IQCM: variants seen among roughly 807,000 people sequenced by gnomAD.
IQCM encodes the protein IQ motif containing M, also known as IQ domain-containing protein M.
In IQCM, 45 loss-of-function variants were observed where a neutral mutation model predicts 57.6. The ratio of observed to expected loss-of-function variants is 0.78; its 90% CI spans 0.62 to 1.00. The LOEUF is 1.00. Ranked by LOEUF, IQCM falls within the 50% of genes least tolerant of loss-of-function variation. The probability of loss-of-function intolerance (pLI) is 0.00; values close to 1 mark genes in which losing one functional copy is unlikely to be tolerated. For missense variants in IQCM, 468 were observed against 511.6 expected (o/e 0.91, Z 0.82); for synonymous variants, 148 against 158.9 (o/e 0.93, Z 0.51).
intron 13 of IQCM, among the ~76,000 whole-genome samples, chr4:149,376,468 T>C (rs911272530): frequency 6.6e-6 from 1 of 152,212 alleles, no homozygotes; most frequent in African/African-American, 2.4e-5. Context: ...AGCATTCAAT[T>C]AGTTTTTTTT....
At chr4:149,357,259 CTG>C (rs1336067509) in intron 13 of IQCM, among the ~76,000 whole-genome samples, 1 of 152,182 alleles carries the variant, frequency 6.6e-6, no homozygotes, top group East Asian at 1.9e-4. Flanking sequence ...CCTGACTGCT[CTG>C]GCCAGAACTT....
rs555242109 is a variant in IQCM, at chr4:149,648,352, A to G, written c.566-27108T>C. ...AGAATGATGGTTTCCAGCTTCATCC[A>G]TGTCCCTACAAAGGACATGAACTCA... On this transcript the variant is annotated intron_variant, in intron 7 of 13. Coordinates refer to ENST00000636793, the MANE Select transcript of IQCM (RefSeq NM_001363507.2). 1.4e-4 allele frequency among the ~76,000 whole-genome samples: 21 copies of G among 152,310 alleles called. No homozygotes were observed. In the East Asian group the frequency reaches 4.1e-3, roughly 29 times the overall value.
intron 12 of IQCM, among the ~76,000 whole-genome samples, chr4:149,492,409 G>A (rs116788601): frequency 1.2e-3 from 178 of 151,480 alleles, no homozygotes; most frequent in African/African-American, 4.0e-3. Flanking sequence ...TAAGAAACAC[G>A]TCTAACTGAC....
chr4:149,658,090 A>G lies in IQCM; in HGVS notation c.565+24028T>C, dbSNP rs564536556. Among the ~76,000 whole-genome samples the G allele has an allele frequency of 1.4e-4, 22 of 152,154 alleles. 1 individual carries two copies. Among genetic ancestry groups the G allele is most frequent in the African/African-American group, 4.8e-4 (20 of 41,540 alleles). The stretch of plus-strand genomic sequence containing the variant: ...TTGAGTCTCATCCTTGCCCAGCTCA[A>G]TGCTGTGAAGCATTTTCCTTATGTT... On this transcript the variant is annotated intron_variant, in intron 7 of 13. Coordinates refer to ENST00000636793, the MANE Select transcript of IQCM (RefSeq NM_001363507.2).
chr4:149,416,303 C>A (rs1007980351), intron 13 of IQCM, among the ~76,000 whole-genome samples: 2 of 151,970 alleles, frequency 1.3e-5, no homozygotes, highest in African/African-American at 4.8e-5. Context: ...ATAATATATT[C>A]CTGAGAAAAT....
intron 13 of IQCM, among the ~76,000 whole-genome samples, chr4:149,382,659 C>G (rs1731157978): frequency 6.6e-6 from 1 of 151,932 alleles, no homozygotes; most frequent in Non-Finnish European, 1.5e-5. Flanking sequence ...GCAATCTTCT[C>G]AGATAAAAAC....
At chr4:149,428,850 G>A (rs1020678169) in intron 13 of IQCM, among the ~76,000 whole-genome samples, 5 of 151,544 alleles carry the variant, frequency 3.3e-5, no homozygotes, top group African/African-American at 1.2e-4. Flanking sequence ...TGTATTCTAA[G>A]GGCAAGTAAA....
intron 7 of IQCM, among the ~76,000 whole-genome samples, chr4:149,663,197 C>T (rs540345285): frequency 1.3e-5 from 2 of 151,990 alleles, no homozygotes; most frequent in East Asian, 1.9e-4. Flanking sequence ...TCCCTCCATC[C>T]TACAATTTAT....
intron 13 of IQCM, among the ~76,000 whole-genome samples, chr4:149,393,699 T>C (rs767333385): frequency 3.3e-5 from 5 of 151,902 alleles, no homozygotes; most frequent in Non-Finnish European, 5.9e-5. Context: ...ATTAATATTA[T>C]TAACCAAGAG....
chr4:149,603,589 C>A (rs1165769820), intron 8 of IQCM, among the ~76,000 whole-genome samples: 1 of 151,976 alleles, frequency 6.6e-6, no homozygotes, highest in Non-Finnish European at 1.5e-5. Flanking sequence ...ATGCAACATG[C>A]CTTGCCTGTG....
intron 2 of IQCM, among the ~76,000 whole-genome samples, chr4:149,753,024 G>A (rs1179685677): frequency 6.6e-6 from 1 of 152,166 alleles, no homozygotes; most frequent in Non-Finnish European, 1.5e-5. Context: ...TTCTGGACTG[G>A]GAACTTAGGG....
chr4:149,779,648 G>GA (rs1771418888), intron 2 of IQCM, among the ~76,000 whole-genome samples: 1 of 152,090 alleles, frequency 6.6e-6, no homozygotes, highest in Non-Finnish European at 1.5e-5. Flanking sequence ...AGTCAAAACT[G>GA]AAAAATAAAT....
chr4:149,709,844 T>A (rs1764430811), intron 5 of IQCM, among the ~76,000 whole-genome samples: 1 of 152,070 alleles, frequency 6.6e-6, no homozygotes, highest in African/African-American at 2.4e-5. Flanking sequence ...CTGCAAGGAG[T>A]GCAAACATTT....
chr4:149,470,250 A>G (rs1413016661), intron 12 of IQCM, among the ~76,000 whole-genome samples: 2 of 152,066 alleles, frequency 1.3e-5, no homozygotes, highest in African/African-American at 4.8e-5. Context: ...AGAGACACAC[A>G]TAGGCTCAAA....
intron 13 of IQCM, among the ~76,000 whole-genome samples, chr4:149,374,721 A>T (rs1319302289): frequency 5.9e-5 from 9 of 152,110 alleles, no homozygotes; most frequent in Admixed American, 5.9e-4. Context: ...ACTGGGAAAC[A>T]TGTCCTGAGA....
At chr4:149,733,604 C>A in intron 4 of IQCM, 96 bp from the exon 5 acceptor site, 1 of 558,912 alleles carries the variant, frequency 1.8e-6, no homozygotes, top group Non-Finnish European at 2.7e-6. Flanking sequence ...CATGAAATTG[C>A]ACCTCTAGTA....
At chr4:149,537,606 G>C (rs986237799) in intron 12 of IQCM, among the ~76,000 whole-genome samples, 6 of 151,812 alleles carry the variant, frequency 4.0e-5, no homozygotes, top group Non-Finnish European at 1.5e-5. Context: ...AGTCCAAGAA[G>C]TTCAATGAAC....
chr4:149,533,447 C>T (rs1746952220), intron 12 of IQCM, among the ~76,000 whole-genome samples: 2 of 151,700 alleles, frequency 1.3e-5, no homozygotes. Context: ...TTTTAAAAGG[C>T]CTTTAAAAAA....
At chr4:149,442,452 C>T (rs562944136) in intron 12 of IQCM, among the ~76,000 whole-genome samples, 12 of 151,988 alleles carry the variant, frequency 7.9e-5, no homozygotes, top group Non-Finnish European at 1.8e-4. Flanking sequence ...AAACAGGCTG[C>T]ACATTCAATT....
Sources: allele counts gnomAD v4.1 joint callset (sites outside exome capture counted in the v4.1 genomes callset), GRCh38; gene constraint gnomAD v4.1.1; transcripts MANE v1.5; gene names NCBI Gene and HGNC (gene_info 2026-07-23, HGNC 2026-07-21).